The following ABCC5 variants were observed in gnomAD, a reference collection of about 807,000 sequenced individuals.
The protein encoded by ABCC5 is ATP binding cassette subfamily C member 5.
ABCC5 carries 61 observed loss-of-function variants against 160.9 expected under a neutral mutation model. That is an observed-to-expected ratio of 0.38 (90% confidence interval 0.31 to 0.47). ABCC5 has a LOEUF of 0.47. Among genes scored for constraint, ABCC5 ranks in the 20% least tolerant of loss-of-function variants. The pLI, the probability that ABCC5 is intolerant of heterozygous loss-of-function variation, is 0.99. For missense variants in ABCC5, 1,308 were observed against 1,813.3 expected, an observed-to-expected ratio of 0.72 and a Z score of 5.06; for synonymous variants, 666 against 700.6, an observed-to-expected ratio of 0.95 and a Z score of 0.78.
At chr3:184,004,614 A>G (rs1721026981) in intron 2 of ABCC5, among the ~76,000 whole-genome samples, 1 of 152,062 alleles carries the variant, frequency 6.6e-6, no homozygotes, top group East Asian at 1.9e-4. Flanking sequence ...TCTGGGTTCC[A>G]TCATGTGACC....
chr3:183,982,532 T>A lies in ABCC5; in HGVS notation c.918A>T (p.Leu306Phe). 6.2e-7 allele frequency: 1 copy of A among 1,614,150 alleles called. No homozygotes were observed. The highest frequency in any genetic ancestry group is 1.7e-5 in the Admixed American group (1 of 60,018). The change falls in exon 7 of 30, where the codon TTA becomes TTT. Residue 306 changes from leucine to phenylalanine, a missense_variant. Transcript: ENST00000334444. This position sits in a 1 kb window ranked among gnomAD's most constrained non-coding sequence, Gnocchi z 5.2. ...LLAGGPVVAI[L>F]GMIYNVIILG... ...GAATAATTACATTATAAATCATGCC[T>A]AAGATGGCAACAACGGGTCCTCCAG...
chr3:183,978,419 C>T lies in ABCC5; in HGVS notation c.1296+84G>A, dbSNP rs140401481. The stretch of plus-strand genomic sequence containing the variant: ...TCTTGGCTCACTGTAACCTCCACCA[C>T]CTGGGTTCAAGTGATTTTCCTGCCT... On this transcript the variant is annotated intron_variant, in intron 9 of 29. Transcript: ENST00000334444. The T allele has an allele frequency of 4.6e-6, 7 of 1,529,090 alleles. No individual in the cohort carries two copies. The South Asian group carries it at 8.7e-5, about 19-fold the overall frequency. The allele number at this position is 1,529,090 out of a possible 1,614,324, so 94.7% of individuals were successfully genotyped here.
rs1417601269 is a variant in ABCC5 at position 183,922,042 on chromosome 3, TAAATAAATAAATAAATA to T, written c.4213-658_4213-642del. 2.0e-4 allele frequency among the ~76,000 whole-genome samples: 10 copies of T among 50,200 alleles called. No individual in the cohort carries two copies. In the East Asian group the frequency reaches 0.018, roughly 90 times the overall value. The allele number at this position is 50,200 out of a possible 152,430, so 32.9% of individuals were successfully genotyped here. On this transcript the variant is annotated intron_variant, in intron 29 of 29. Transcript: ENST00000334444. ...CGAGACTCTGCCTCAAAATAATAAA[TAAATAAATAAATAAATA>T]AATAAATAAATAAATAAATAAAAAA...
rs74271190 is a variant in ABCC5, at chr3:183,921,648, CAA to C, written c.4213-249_4213-248del. 1.0e-4 allele frequency among the ~76,000 whole-genome samples: 13 copies of C among 128,922 alleles called. No individual in the cohort carries two copies. The highest frequency in any genetic ancestry group is 7.9e-5 in the Admixed American group (1 of 12,670). The allele number at this position is 128,922 out of a possible 152,430, so 84.6% of individuals were successfully genotyped here. On this transcript the variant is annotated intron_variant, in intron 29 of 29. Coordinates refer to ENST00000334444, the MANE Select transcript of ABCC5 (RefSeq NM_005688.4). This position sits in a 1 kb window ranked among gnomAD's most constrained non-coding sequence, Gnocchi z 4.1. ...TTTGCCTAATAAAGTAGTATCATAG[CAA>C]AAAAAAAAAAAGAAAACGACTTCCA...
chr3:183,933,022 G>C (rs1464981929), intron 26 of ABCC5, among the ~76,000 whole-genome samples: 3 of 152,022 alleles, frequency 2.0e-5, no homozygotes, highest in Non-Finnish European at 4.4e-5. Flanking sequence ...ACAGAAATTA[G>C]CCAGGTGTGG....
intron 5 of ABCC5, chr3:183,985,131 T>A (rs1026073087): frequency 1.7e-5 from 12 of 696,238 alleles, no homozygotes; most frequent in East Asian, 5.4e-5. Context: ...TTTCAAACCA[T>A]TTTTTAGGGG....
intron 15 of ABCC5, among the ~76,000 whole-genome samples, chr3:183,962,910 T>C (rs2108820330): frequency 6.6e-6 from 1 of 152,296 alleles, no homozygotes; most frequent in East Asian, 1.9e-4. Flanking sequence ...CTCACAAATA[T>C]ACATAATTAT....
At chr3:184,000,144 A>G (rs1720628902) in intron 2 of ABCC5, among the ~76,000 whole-genome samples, 1 of 151,818 alleles carries the variant, frequency 6.6e-6, no homozygotes, top group East Asian at 1.9e-4. Flanking sequence ...AGATCGCTTG[A>G]GCCTAGGAGC....
intron 9 of ABCC5, among the ~76,000 whole-genome samples, 166 bp from the exon 10 acceptor site, chr3:183,977,790 T>G (rs1016638187): frequency 3.3e-5 from 5 of 152,094 alleles, no homozygotes; most frequent in African/African-American, 1.2e-4. Flanking sequence ...TCTCGCTCTG[T>G]CGCCCAGGCT....
intron 13 of ABCC5, 34 bp from the exon 14 acceptor site, chr3:183,965,291 G>A (rs553059884): frequency 5.0e-6 from 8 of 1,614,100 alleles, no homozygotes; most frequent in South Asian, 2.2e-5. Context: ...TCAGGGACAC[G>A]GCGGGAGCAG....
At chr3:183,978,701 G>T in intron 8 of ABCC5, 50 bp from the exon 9 acceptor site, 1 of 1,588,712 alleles carries the variant, frequency 6.3e-7, no homozygotes. Context: ...AGAAGCCTAG[G>T]GATGTTGTTC....
intron 23 of ABCC5, among the ~76,000 whole-genome samples, 169 bp from the exon 24 acceptor site, chr3:183,946,108 T>A (rs1203145223): frequency 6.6e-6 from 1 of 152,200 alleles, no homozygotes; most frequent in East Asian, 1.9e-4. Flanking sequence ...TGTTACCCCA[T>A]CAACTGCAAT....
At chr3:183,929,625 A>T (rs1277221509) in intron 26 of ABCC5, among the ~76,000 whole-genome samples, 1 of 152,146 alleles carries the variant, frequency 6.6e-6, no homozygotes, top group Non-Finnish European at 1.5e-5. Context: ...AGAATAAAGG[A>T]CAAGTCAAGA....
At chr3:183,926,887 A>G (rs1438814918) in intron 28 of ABCC5, among the ~76,000 whole-genome samples, 1 of 151,868 alleles carries the variant, frequency 6.6e-6, no homozygotes, top group Admixed American at 6.6e-5. Flanking sequence ...TCTACTAAAA[A>G]TGCAAAAATT....
chr3:183,949,297 T>C lies in ABCC5; in HGVS notation c.3227+456A>G, dbSNP rs1005778958. Among the ~76,000 whole-genome samples the C allele has an allele frequency of 1.3e-5, 2 of 152,262 alleles. No homozygotes were observed. Among genetic ancestry groups the C allele is most frequent in the Admixed American group, 1.3e-4 (2 of 15,288 alleles). ...AAATAAACAATACTCGATGCTTAAA[T>C]AAAATCTACTCAAATGTCATGACTA... On this transcript the variant is annotated intron_variant, in intron 22 of 29. Transcript: ENST00000334444. The surrounding 1 kb of genome is among the most constrained non-coding windows in gnomAD (Gnocchi z 4.2).
At chr3:183,924,123 A>T (rs1486865262) in intron 29 of ABCC5, among the ~76,000 whole-genome samples, 1 of 149,164 alleles carries the variant, frequency 6.7e-6, no homozygotes, top group Non-Finnish European at 1.5e-5. Context: ...GGGTTAAATG[A>T]TCCTTCCACC....
At chr3:183,992,682 G>A (rs564828540) in intron 2 of ABCC5, among the ~76,000 whole-genome samples, 5 of 152,190 alleles carry the variant, frequency 3.3e-5, no homozygotes, top group African/African-American at 7.2e-5. Flanking sequence ...CCAGCTACTC[G>A]GGAGGCTGAA....
chr3:183,942,156 C>T (rs1447301055), intron 25 of ABCC5, among the ~76,000 whole-genome samples: 1 of 151,988 alleles, frequency 6.6e-6, no homozygotes, highest in African/African-American at 2.4e-5. Flanking sequence ...TCTCCTGCCT[C>T]AGCCTCCCAA....
At chr3:183,999,089 C>CAA (rs762418356) in intron 2 of ABCC5, among the ~76,000 whole-genome samples, 1 of 74,836 alleles carries the variant, frequency 1.3e-5, no homozygotes, top group African/African-American at 5.9e-5. Flanking sequence ...GACTCTGTCT[C>CAA]AAAAAAAAAA....
Sources: allele counts gnomAD v4.1 joint callset (sites outside exome capture counted in the v4.1 genomes callset), GRCh38; gene constraint gnomAD v4.1.1; non-coding constraint Gnocchi (gnomAD v3.1); transcripts MANE v1.5; gene names NCBI Gene and HGNC (gene_info 2026-07-23, HGNC 2026-07-21).